The following TNR variants were observed in gnomAD, a reference collection of about 807,000 sequenced individuals.
The protein encoded by TNR is tenascin-R.
A neutral mutation model predicts 150.4 loss-of-function variants in TNR; 45 were observed. The ratio of observed to expected loss-of-function variants is 0.30; its 90% CI spans 0.24 to 0.38. TNR has a LOEUF of 0.38. Ranked by LOEUF, TNR falls within the 10% of genes least tolerant of loss-of-function variation. The pLI, the probability that TNR is intolerant of heterozygous loss-of-function variation, is 1.00. For missense variants in TNR, 1,544 were observed against 1,759.1 expected (o/e 0.88, Z 2.19); for synonymous variants, 687 against 678.4 (o/e 1.01, Z -0.20).
rs189963870 is a variant in TNR, at chr1:175,697,922, A to C, written c.-165+45304T>G. Among the ~76,000 whole-genome samples, 315 of 152,346 alleles carry C rather than the reference A, an allele frequency of 2.1e-3. 1 individual carries two copies. Among genetic ancestry groups the C allele is most frequent in the Non-Finnish European group, 3.3e-3 (222 of 68,030 alleles). On this transcript the variant is annotated intron_variant, in intron 1 of 22. Transcript: ENST00000367674. ...AGAATGGGAGCTTCATGTTCATGGA[A>C]GGAGTCCTGACTTCAGAGTCAGCCC... is the stretch of plus-strand genomic sequence containing the variant.
At chr1:175,494,145 C>T (rs746943529) in intron 2 of TNR, among the ~76,000 whole-genome samples, 2 of 152,142 alleles carry the variant, frequency 1.3e-5, no homozygotes, top group Non-Finnish European at 2.9e-5. Context: ...TTCCCCACCC[C>T]GCCCCCTCCC....
At chr1:175,433,802 T>G (rs1313873941) in intron 2 of TNR, among the ~76,000 whole-genome samples, 2 of 152,176 alleles carry the variant, frequency 1.3e-5, no homozygotes, top group African/African-American at 4.8e-5. Context: ...ATATTCAGAA[T>G]GAAGAAACAG....
At chr1:175,661,820 C>T (rs1202278664) in intron 1 of TNR, among the ~76,000 whole-genome samples, 1 of 113,586 alleles carries the variant, frequency 8.8e-6, no homozygotes, top group East Asian at 3.2e-4. Context: ...TTCTCTTCTT[C>T]CCTCCAAGAA....
intron 2 of TNR, among the ~76,000 whole-genome samples, chr1:175,497,690 C>T (rs1386274526): frequency 1.3e-5 from 2 of 152,276 alleles, no homozygotes; most frequent in Non-Finnish European, 2.9e-5. Context: ...ATATTATCTG[C>T]CCTAGGCCCT....
At chr1:175,346,604 A>G (rs1401450900) in intron 18 of TNR, among the ~76,000 whole-genome samples, 1 of 152,200 alleles carries the variant, frequency 6.6e-6, no homozygotes, top group Non-Finnish European at 1.5e-5. Flanking sequence ...CTACAGATGC[A>G]GTAGAGATAA....
chr1:175,723,518 A>G (rs922972807), intron 1 of TNR, among the ~76,000 whole-genome samples: 4 of 152,208 alleles, frequency 2.6e-5, no homozygotes, highest in African/African-American at 9.7e-5. Context: ...GGAAACATGG[A>G]TATTAACTAA....
chr1:175,697,387 T>G (rs1373443595), intron 1 of TNR, among the ~76,000 whole-genome samples: 1 of 151,326 alleles, frequency 6.6e-6, no homozygotes, highest in Non-Finnish European at 1.5e-5. Context: ...CCTGACAGAC[T>G]CAATTCTCTT....
Position 175,575,157 on chromosome 1 carries a change from G to T in TNR, c.-164-46788C>A, listed in dbSNP as rs182227379. Among the ~76,000 whole-genome samples the T allele has an allele frequency of 9.2e-5, 14 of 152,288 alleles. No homozygotes were observed. In the East Asian group the frequency reaches 2.7e-3, roughly 29 times the overall value. Reference sequence around the variant, plus strand: ...TTCCAGGACAAAGCTTTATTTCATTGTCAGTGTGAGACCTTCCCAAGCAAT... The same window carrying T: ...TTCCAGGACAAAGCTTTATTTCATTTTCAGTGTGAGACCTTCCCAAGCAAT... On this transcript the variant is annotated intron_variant, in intron 1 of 22. Transcript: ENST00000367674.
chr1:175,398,781 C>T (rs1653559645), intron 4 of TNR, among the ~76,000 whole-genome samples: 1 of 152,188 alleles, frequency 6.6e-6, no homozygotes, highest in African/African-American at 2.4e-5. Context: ...TATACAATAC[C>T]ACTTTACATT....
At chr1:175,544,081 T>A (rs1660598445) in intron 1 of TNR, among the ~76,000 whole-genome samples, 2 of 152,204 alleles carry the variant, frequency 1.3e-5, no homozygotes, top group African/African-American at 4.8e-5. Context: ...GGTTTGGTTA[T>A]GAAAAACCTT....
intron 15 of TNR, among the ~76,000 whole-genome samples, chr1:175,359,134 ATCT>A (rs1177869740): frequency 5.9e-5 from 2 of 34,134 alleles, no homozygotes; most frequent in Admixed American, 3.6e-4. Context: ...GTTTGGGGAT[ATCT>A]TCTTTTTTTT....
At chr1:175,724,816 C>T (rs1238735831) in intron 1 of TNR, among the ~76,000 whole-genome samples, 2 of 152,046 alleles carry the variant, frequency 1.3e-5, no homozygotes, top group African/African-American at 4.8e-5. Context: ...GGCATCTCAG[C>T]TGAGATCTTA....
intron 1 of TNR, among the ~76,000 whole-genome samples, chr1:175,610,423 C>T (rs1461533049): frequency 6.6e-6 from 1 of 152,238 alleles, no homozygotes; most frequent in Non-Finnish European, 1.5e-5. Context: ...CTCTTCATTC[C>T]TGGCCAATTG....
chr1:175,531,598 G>A (rs1355398758), intron 1 of TNR, among the ~76,000 whole-genome samples: 1 of 152,128 alleles, frequency 6.6e-6, no homozygotes, highest in Non-Finnish European at 1.5e-5. Context: ...ATACACAAAA[G>A]TAAAGAGCAT....
At chr1:175,452,700 G>A (rs1271809032) in intron 2 of TNR, among the ~76,000 whole-genome samples, 2 of 152,224 alleles carry the variant, frequency 1.3e-5, no homozygotes, top group African/African-American at 2.4e-5. Flanking sequence ...AACTGTAAGG[G>A]AGTAAAGAGT....
At chr1:175,707,461 A>G (rs1275276098) in intron 1 of TNR, among the ~76,000 whole-genome samples, 4 of 152,230 alleles carry the variant, frequency 2.6e-5, no homozygotes, top group Non-Finnish European at 5.9e-5. Flanking sequence ...AATCCATAGT[A>G]AATTTGTTCA....
At chr1:175,622,849 A>T (rs182231213) in intron 1 of TNR, among the ~76,000 whole-genome samples, 106 of 152,272 alleles carry the variant, frequency 7.0e-4, no homozygotes, top group African/African-American at 2.5e-3. Flanking sequence ...ACTCTCTGGC[A>T]TGCCTTAACT....
At chr1:175,590,629 G>T (rs1012002164) in intron 1 of TNR, among the ~76,000 whole-genome samples, 2 of 152,212 alleles carry the variant, frequency 1.3e-5, no homozygotes, top group African/African-American at 4.8e-5. Context: ...CAAAGGAGGG[G>T]GGGATCCACT....
chr1:175,609,460 C>T (rs1414967913), intron 1 of TNR, among the ~76,000 whole-genome samples: 2 of 152,142 alleles, frequency 1.3e-5, no homozygotes, highest in African/African-American at 4.8e-5. Context: ...ATCAAAGTGA[C>T]TTGGGAGATC....
Sources: allele counts gnomAD v4.1 joint callset (sites outside exome capture counted in the v4.1 genomes callset), GRCh38; gene constraint gnomAD v4.1.1; transcripts MANE v1.5; gene names NCBI Gene and HGNC (gene_info 2026-07-23, HGNC 2026-07-21).